ARID1B: variants seen among roughly 807,000 people sequenced by gnomAD.
ARID1B encodes AT-rich interaction domain 1B.
In ARID1B, 30 loss-of-function variants were observed where a neutral mutation model predicts 212.3. The ratio of observed to expected loss-of-function variants is 0.14; its 90% CI spans 0.11 to 0.19. ARID1B has a LOEUF of 0.19. Ranked by LOEUF, ARID1B falls within the 10% of genes least tolerant of loss-of-function variation. The pLI, the probability that ARID1B is intolerant of heterozygous loss-of-function variation, is 1.00. For missense variants in ARID1B, 2,891 were observed against 3,204.0 expected (o/e 0.90, Z 2.36); for synonymous variants, 1,402 against 1,301.7 (o/e 1.08, Z -1.66).
Position 157,014,143 on chromosome 6 carries a change from A to G in ARID1B, c.2248-70519A>G, listed in dbSNP as rs542650751. On this transcript the variant is annotated intron_variant, in intron 4 of 19. Transcript: ENST00000636930. ...AGATCGTAGATGCTACTGAGGGAGCATGTGACTAATGACTAAGGCTTGGCC... is the reference window on the plus strand; with the variant it reads ...AGATCGTAGATGCTACTGAGGGAGCGTGTGACTAATGACTAAGGCTTGGCC... Among the ~76,000 whole-genome samples the G allele has an allele frequency of 5.3e-5, 8 of 152,358 alleles. No individual in the cohort carries two copies. The South Asian group carries it at 1.7e-3, about 32-fold the overall frequency.
chr6:157,179,004 T>C (rs1024582340), intron 11 of ARID1B, among the ~76,000 whole-genome samples: 2 of 152,230 alleles, frequency 1.3e-5, no homozygotes, highest in Non-Finnish European at 2.9e-5. Context: ...TTATTTGTCT[T>C]ATCTTTAAAC....
intron 4 of ARID1B, chr6:156,935,875 G>A (rs1290402310): frequency 6.7e-6 from 2 of 297,300 alleles, no homozygotes; most frequent in African/African-American, 2.2e-5. Context: ...CTTTCTTTAG[G>A]CTGTTGCTTT....
chr6:156,820,387 T>C (rs1782270164), intron 1 of ARID1B, among the ~76,000 whole-genome samples: 2 of 152,162 alleles, frequency 1.3e-5, no homozygotes, highest in Admixed American at 6.5e-5. Flanking sequence ...ATGCCAGGCA[T>C]TGTACTAAGT....
intron 4 of ARID1B, among the ~76,000 whole-genome samples, chr6:157,065,050 TATGA>T (rs1783582363): frequency 6.6e-6 from 1 of 152,224 alleles, no homozygotes; most frequent in South Asian, 2.1e-4. Flanking sequence ...TTTTTATAGA[TATGA>T]AAGTAAGGAA....
intron 2 of ARID1B, among the ~76,000 whole-genome samples, chr6:156,881,450 T>C (rs565702014): frequency 2.6e-5 from 4 of 152,340 alleles, no homozygotes; most frequent in African/African-American, 7.2e-5. Flanking sequence ...ATGTATACAA[T>C]GTATGCACAC....
At chr6:156,973,958 G>A (rs1367994302) in intron 4 of ARID1B, among the ~76,000 whole-genome samples, 1 of 152,120 alleles carries the variant, frequency 6.6e-6, no homozygotes, top group African/African-American at 2.4e-5. Context: ...TTGTGGAATG[G>A]TTTTCTACAA....
At chr6:156,897,218 GCTTCTTCTTCTT>G (rs796265973) in intron 2 of ARID1B, among the ~76,000 whole-genome samples, 94 of 91,360 alleles carry the variant, frequency 1.0e-3, no homozygotes, top group Non-Finnish European at 1.6e-3. Flanking sequence ...TGCTGCTGCT[GCTTCTTCTTCTT>G]CTTCTTCTTC....
chr6:156,816,306 A>G (rs546445384), intron 1 of ARID1B, among the ~76,000 whole-genome samples: 1 of 152,352 alleles, frequency 6.6e-6, no homozygotes, highest in Non-Finnish European at 1.5e-5. Context: ...TGACACAGCT[A>G]GGAAGACAGT....
intron 1 of ARID1B, among the ~76,000 whole-genome samples, chr6:156,789,677 A>G (rs912433309): frequency 2.0e-5 from 3 of 152,226 alleles, no homozygotes; most frequent in African/African-American, 4.8e-5. Context: ...GTGAAGGTAA[A>G]GAGGCATGGG....
chr6:157,153,728 T>G (rs1544042), intron 8 of ARID1B, among the ~76,000 whole-genome samples: 22 of 152,330 alleles, frequency 1.4e-4, no homozygotes, highest in Admixed American at 9.1e-4. Flanking sequence ...CTCAAATTCC[T>G]GGGCTCAAGC....
intron 4 of ARID1B, among the ~76,000 whole-genome samples, chr6:157,065,269 G>A (rs1398522143): frequency 6.6e-6 from 1 of 152,206 alleles, no homozygotes; most frequent in East Asian, 1.9e-4. Context: ...TACTACTGAA[G>A]ATAGTAAGGT....
At chr6:157,039,834 T>TTCTCTCTC (rs1562569826) in intron 4 of ARID1B, among the ~76,000 whole-genome samples, 12 of 115,806 alleles carry the variant, frequency 1.0e-4, no homozygotes, top group Admixed American at 5.2e-4. Context: ...CTTTCTCTCT[T>TTCTCTCTC]TCTTTCTCTC....
chr6:156,870,177 C>G (rs1001147418), intron 2 of ARID1B: 1 of 152,388 alleles, frequency 6.6e-6, no homozygotes, highest in East Asian at 1.9e-4. Flanking sequence ...AGCCGGTGGC[C>G]GAAGTGCCCA....
At chr6:157,121,963 G>A (rs777611942) in intron 6 of ARID1B, among the ~76,000 whole-genome samples, 15 of 152,086 alleles carry the variant, frequency 9.9e-5, no homozygotes, top group African/African-American at 4.8e-5. Flanking sequence ...TAAAGTCTCC[G>A]CTAACCAAAC....
intron 8 of ARID1B, among the ~76,000 whole-genome samples, chr6:157,159,476 G>A (rs1790786476): frequency 6.6e-6 from 1 of 152,168 alleles, no homozygotes; most frequent in African/African-American, 2.4e-5. Context: ...CTGCATTGAA[G>A]CAAAAAGGAA....
intron 2 of ARID1B, among the ~76,000 whole-genome samples, chr6:156,875,294 A>G (rs1583197271): frequency 6.6e-6 from 1 of 152,224 alleles, no homozygotes; most frequent in East Asian, 1.9e-4. Flanking sequence ...TGCATGATCA[A>G]CTTTCAGAGC....
intron 3 of ARID1B, among the ~76,000 whole-genome samples, chr6:156,914,764 C>G (rs1229191199): frequency 6.6e-6 from 1 of 152,182 alleles, no homozygotes; most frequent in Middle Eastern, 3.2e-3. Flanking sequence ...CAAAGCGGGC[C>G]TCTGGCCACC....
chr6:157,076,792 A>G (rs1784340462), intron 4 of ARID1B, among the ~76,000 whole-genome samples: 1 of 152,318 alleles, frequency 6.6e-6, no homozygotes, highest in East Asian at 1.9e-4. Flanking sequence ...CACATGGGTC[A>G]TTAATATTTA....
chr6:156,921,790 C>A (rs918829318), intron 3 of ARID1B, among the ~76,000 whole-genome samples: 2 of 152,240 alleles, frequency 1.3e-5, no homozygotes, highest in South Asian at 2.1e-4. Flanking sequence ...ATTATTGATA[C>A]AATGCAAAAC....
Sources: allele counts gnomAD v4.1 joint callset (sites outside exome capture counted in the v4.1 genomes callset), GRCh38; gene constraint gnomAD v4.1.1; transcripts MANE v1.5; gene names NCBI Gene and HGNC (gene_info 2026-07-23, HGNC 2026-07-21).